Variants in TMEM134 observed in about 807,000 individuals in gnomAD.
TMEM134 encodes transmembrane protein 134.
A neutral mutation model predicts 26.2 loss-of-function variants in TMEM134; 36 were observed. That is an observed-to-expected ratio of 1.37 (90% CI 1.05 to 1.81). The LOEUF (loss-of-function observed/expected upper bound fraction) is 1.81. TMEM134 is among the 40% of genes most tolerant of loss of function. The pLI, the probability that TMEM134 is intolerant of heterozygous loss-of-function variation, is 0.00. For missense variants in TMEM134, 339 were observed against 263.5 expected, an observed-to-expected ratio of 1.29 and a Z score of -1.98; for synonymous variants, 133 against 113.6, an observed-to-expected ratio of 1.17 and a Z score of -1.08.
At position 67,464,657 on chromosome 11, in the gene TMEM134, T is replaced by G. The variant is rs1366883797; in HGVS notation, c.545A>C (p.His182Pro). The G allele has an allele frequency of 6.4e-7, 1 of 1,553,958 alleles. No individual in the cohort carries two copies. The highest frequency in any genetic ancestry group is 8.7e-7 in the Non-Finnish European group (1 of 1,148,184). The change falls in exon 7 of 7, where the codon CAC becomes CCC. Residue 182 changes from histidine to proline, a missense_variant. By Grantham distance (77) the His-to-Pro change is moderately conservative. Transcript: ENST00000308022. The part of the protein sequence containing the change: ...VIFIYCAVKG[H>P]RGFQFFYLPY... The stretch of plus-strand genomic sequence containing the variant: ...CAGGTAGAAGAACTGGAAGCCCCGG[T>G]GGCCCTTGACCGCGCAGTAGATGAA...
rs1021887002 is a variant in TMEM134 at position 67,462,010 on chromosome 11, A to C, written c.*2604T>G. 4 of 152,046 alleles carry C rather than the reference A, an allele frequency of 2.6e-5. No homozygotes were observed. Among genetic ancestry groups the C allele is most frequent in the African/African-American group, 9.7e-5 (4 of 41,392 alleles). The allele number at this position is 152,046 out of a possible 1,614,324, so 9.4% of individuals were successfully genotyped here. On this transcript the variant is annotated 3_prime_UTR_variant, in exon 7 of 7. Transcript: ENST00000308022. ...ACATAGTGAAACCCTGTCTCTACTA[A>C]AAATACAAAGATTAGCTGGGCATGG...
At chr11:67,467,439 G>A (rs368812518) in intron 3 of TMEM134, 51 bp from the exon 4 acceptor site, 223 of 1,610,064 alleles carry the variant, frequency 1.4e-4, no homozygotes, top group Middle Eastern at 1.4e-3. Context: ...GGGAGGGGGT[G>A]CAGGAGGCTG....
chr11:67,464,845 C>T lies in TMEM134; in HGVS notation c.463G>A (p.Ala155Thr), dbSNP rs1480554610. The T allele has an allele frequency of 1.9e-6, 3 of 1,610,426 alleles. No individual in the cohort carries two copies. The highest frequency in any genetic ancestry group is 1.1e-5 in the South Asian group (1 of 90,956). ...EATPSPGVSSAIFFVPGFLLL... is the reference protein window; with the variant it reads ...EATPSPGVSSTIFFVPGFLLL... The stretch of plus-strand genomic sequence containing the variant: ...AGGAAGCCCGGCACGAAGAAGATGG[C>T]GCTGGAGACACCTGCGGGAGGGACC... Residue 155 changes from alanine (A) to threonine (T), a missense_variant, in exon 6 of 7, where the codon GCC becomes ACC. By Grantham distance (58) the Ala-to-Thr change is moderately conservative (BLOSUM62 0). Transcript: ENST00000308022.
rs773023581 is a variant in TMEM134 at position 67,464,763 on chromosome 11, C to T, written c.505+40G>A. 7 of 1,554,748 alleles carry T rather than the reference C, an allele frequency of 4.5e-6. No individual in the cohort carries two copies. In the South Asian group the frequency reaches 7.1e-5, roughly 16 times the overall value. ...CCGCAACACCGCCCCCAGTGCCGCC[C>T]CACAGCCCCCGCCCCTTCCGCCCCG... On this transcript the variant is annotated intron_variant, in intron 6 of 6. Coordinates refer to ENST00000308022, the MANE Select transcript of TMEM134 (RefSeq NM_025124.4).
chr11:67,463,846 T>G lies in TMEM134; in HGVS notation c.*768A>C, dbSNP rs1388211034. ...GTTTCTAACGTTCTGCATTTCTAAG[T>G]CTTTGACCACTGAGGGTGTCTGTCA... On this transcript the variant is annotated 3_prime_UTR_variant, in exon 7 of 7. Coordinates refer to ENST00000308022, the MANE Select transcript of TMEM134 (RefSeq NM_025124.4). 6.6e-6 allele frequency: 1 copy of G among 152,334 alleles called. No individual in the cohort carries two copies. Among genetic ancestry groups the G allele is most frequent in the African/African-American group, 2.4e-5 (1 of 41,470 alleles). 9.4% of individuals were successfully genotyped at this position (152,334 alleles called of 1,614,324 possible).
rs1321104604 is a variant in TMEM134 at position 67,467,521 on chromosome 11, G to A, written c.309C>T (p.Arg103=). 6.2e-7 allele frequency: 1 copy of A among 1,613,992 alleles called. No individual in the cohort carries two copies. The highest frequency in any genetic ancestry group is 1.3e-5 in the African/African-American group (1 of 74,928). ...SFSTISSSTQ[R]SYNTCCSWTQ... The stretch of plus-strand genomic sequence containing the variant: ...CTCACCTGCAGCAGGTGTTGTAGGA[G>A]CGCTGGGTGCTGCTGCTGATGGTGC... Residue 103 remains arginine, a synonymous_variant, in exon 3 of 7, where the codon CGC becomes CGT. Coordinates refer to ENST00000308022, the MANE Select transcript of TMEM134 (RefSeq NM_025124.4).
chr11:67,467,505 A>G lies in TMEM134; in HGVS notation c.325T>C (p.Cys109Arg), dbSNP rs1459633947. ...SSTQRSYNTCCSWTQHPLIQK... is the reference protein window; with the variant it reads ...SSTQRSYNTCRSWTQHPLIQK... ...GGCTTAGGCGGGCAGGCTCACCTGCAGCAGGTGTTGTAGGAGCGCTGGGTG... is the reference window on the plus strand; with the variant it reads ...GGCTTAGGCGGGCAGGCTCACCTGCGGCAGGTGTTGTAGGAGCGCTGGGTG... The change falls in exon 3 of 7, where the codon TGC (cysteine) becomes CGC (arginine). Residue 109 changes from cysteine to arginine, a missense_variant. By Grantham distance (180) the Cys-to-Arg change is radical. Transcript: ENST00000308022. The G allele has an allele frequency of 6.2e-7, 1 of 1,614,004 alleles. No homozygotes were observed. Among genetic ancestry groups the G allele is most frequent in the Non-Finnish European group, 8.5e-7 (1 of 1,180,010 alleles).
chr11:67,465,590 G>C (rs1292598823), intron 4 of TMEM134, among the ~76,000 whole-genome samples: 4 of 151,942 alleles, frequency 2.6e-5, no homozygotes, highest in Admixed American at 2.6e-4. Flanking sequence ...CTGGGGGACT[G>C]GGGGGCCACC....
intron 4 of TMEM134, chr11:67,465,425 G>A: frequency 5.6e-6 from 2 of 354,100 alleles, no homozygotes; most frequent in Non-Finnish European, 1.0e-5. Context: ...GTCCTTAGTG[G>A]AGGAACCAAT....
At chr11:67,467,409 G>A in intron 3 of TMEM134, 21 bp from the exon 4 acceptor site, 1 of 1,613,754 alleles carries the variant, frequency 6.2e-7, no homozygotes, top group Non-Finnish European at 8.5e-7. Context: ...GGAGAGCAGG[G>A]TGAATGTGAA....
Position 67,464,708 on chromosome 11 carries a change from G to C in TMEM134, c.506-12C>G. 6.4e-7 allele frequency: 1 copy of C among 1,551,830 alleles called. No individual in the cohort carries two copies. The highest frequency in any genetic ancestry group is 8.7e-7 in the Non-Finnish European group (1 of 1,147,364). ...GATCACGTGATAGACTGCGGGGCGG[G>C]GCCTGTCAGCGCAGAAGCCCCGCCC... On this transcript the variant is annotated splice_polypyrimidine_tract_variant and intron_variant, in intron 6 of 6. Transcript: ENST00000308022.
intron 1 of TMEM134, 31 bp downstream of exon 1, chr11:67,468,988 G>T: frequency 6.9e-7 from 1 of 1,453,736 alleles, no homozygotes; most frequent in Non-Finnish European, 9.1e-7. Flanking sequence ...TCCGGCCGGG[G>T]GCAGGGGGTT....
intron 4 of TMEM134, chr11:67,466,147 C>T (rs954118373): frequency 6.6e-6 from 1 of 152,090 alleles, no homozygotes; most frequent in Non-Finnish European, 1.5e-5. Context: ...GTGGGTGGAT[C>T]ACCTGAGGCC....
rs1030023146 is a variant in TMEM134, at chr11:67,461,953, G to C, written c.*2661C>G. 2 of 152,076 alleles carry C rather than the reference G, an allele frequency of 1.3e-5. No homozygotes were observed. Among genetic ancestry groups the C allele is most frequent in the African/African-American group, 4.8e-5 (2 of 41,408 alleles). The allele number at this position is 152,076 out of a possible 1,614,324, so 9.4% of individuals were successfully genotyped here. Reference sequence around the variant, plus strand: ...AAGACTGTAGAATGAAGTCGGGCGAGGTGGCTCAGGGGTTGGAGACCAGCC... The same window carrying C: ...AAGACTGTAGAATGAAGTCGGGCGACGTGGCTCAGGGGTTGGAGACCAGCC... On this transcript the variant is annotated 3_prime_UTR_variant, in exon 7 of 7. Transcript: ENST00000308022.
chr11:67,464,860 C>A lies in TMEM134; in HGVS notation c.452-4G>T. 6.2e-7 allele frequency: 1 copy of A among 1,610,348 alleles called. No homozygotes were observed. Among genetic ancestry groups the A allele is most frequent in the Non-Finnish European group, 8.5e-7 (1 of 1,179,688 alleles). On this transcript the variant is annotated splice_polypyrimidine_tract_variant and splice_region_variant and intron_variant, in intron 5 of 6. Coordinates refer to ENST00000308022, the MANE Select transcript of TMEM134 (RefSeq NM_025124.4). ...AAGAAGATGGCGCTGGAGACACCTGCGGGAGGGACCAGAGCCCGGTCAGGG... is the reference window on the plus strand; with the variant it reads ...AAGAAGATGGCGCTGGAGACACCTGAGGGAGGGACCAGAGCCCGGTCAGGG...
intron 2 of TMEM134, 161 bp from the exon 3 acceptor site, chr11:67,467,751 G>C (rs1865365375): frequency 1.4e-6 from 1 of 727,160 alleles, no homozygotes; most frequent in Admixed American, 2.2e-5. Flanking sequence ...GAATTCAGGG[G>C]CTGGGGATGA....
chr11:67,465,343 G>A lies in TMEM134; in HGVS notation c.407-243C>T, dbSNP rs142949793. 1.1e-3 allele frequency: 1,217 copies of A among 1,124,130 alleles called. 10 individuals carry two copies. The African/African-American group carries it at 0.015, about 14-fold the overall frequency. 69.6% of individuals were successfully genotyped at this position (1,124,130 alleles called of 1,614,324 possible). A position where few individuals can be genotyped will look rare whatever the true frequency, so the allele number is the denominator to read the frequency against. ...TTTAGTCATTCAGCAAACATTTATGGAACACCTACTGCGTGCCTGGTACTG... is the reference window on the plus strand; with the variant it reads ...TTTAGTCATTCAGCAAACATTTATGAAACACCTACTGCGTGCCTGGTACTG... On this transcript the variant is annotated intron_variant, in intron 4 of 6. Coordinates refer to ENST00000308022, the MANE Select transcript of TMEM134 (RefSeq NM_025124.4).
At chr11:67,464,922 G>T in intron 5 of TMEM134, 66 bp from the exon 6 acceptor site, 1 of 1,575,154 alleles carries the variant, frequency 6.3e-7, no homozygotes. Flanking sequence ...CCGGGCTGCC[G>T]CTGACTGCCC....
In TMEM134 at chr11:67,463,792, G is replaced by A. The variant is rs2135203713; in HGVS notation, c.*822C>T. 6.6e-6 allele frequency: 1 copy of A among 152,370 alleles called. No homozygotes were observed. Among genetic ancestry groups the A allele is most frequent in the South Asian group, 2.1e-4 (1 of 4,834 alleles). The allele number at this position is 152,370 out of a possible 1,614,324, so 9.4% of individuals were successfully genotyped here. On this transcript the variant is annotated 3_prime_UTR_variant, in exon 7 of 7. Coordinates refer to ENST00000308022, the MANE Select transcript of TMEM134 (RefSeq NM_025124.4). ...TTCTTGTTTCGTAAGATTCTGAAAT[G>A]CTGATGTTCCAAAATTCTGAGATGG...
Sources: allele counts gnomAD v4.1 joint callset (sites outside exome capture counted in the v4.1 genomes callset), GRCh38; gene constraint gnomAD v4.1.1; transcripts MANE v1.5; gene names NCBI Gene and HGNC (gene_info 2026-07-23, HGNC 2026-07-21).